The following AIG1 variants were observed in gnomAD, a reference collection of about 807,000 sequenced individuals.
The protein encoded by AIG1 is androgen induced 1.
In AIG1, 23 loss-of-function variants were observed where a neutral mutation model predicts 31.4. That is an observed-to-expected ratio of 0.73 (90% CI 0.53 to 1.04). The LOEUF (loss-of-function observed/expected upper bound fraction) is 1.04, where lower values mean the gene tolerates loss of function less well. AIG1 is among the 50% of genes least tolerant of loss of function. The probability of loss-of-function intolerance (pLI) is 0.00; values close to 1 mark genes in which losing one functional copy is unlikely to be tolerated. For missense variants in AIG1, 274 were observed against 295.0 expected (o/e 0.93, Z 0.52); for synonymous variants, 100 against 110.5 (o/e 0.90, Z 0.60).
At chr6:143,146,403 C>A (rs773406191) in intron 2 of AIG1, among the ~76,000 whole-genome samples, 1 of 152,054 alleles carries the variant, frequency 6.6e-6, no homozygotes, top group Non-Finnish European at 1.5e-5. Context: ...GGACCAGGGA[C>A]AAGATGCAAT....
intron 4 of AIG1, among the ~76,000 whole-genome samples, chr6:143,316,871 A>G (rs564356377): frequency 7.2e-5 from 11 of 152,110 alleles, no homozygotes; most frequent in Non-Finnish European, 1.3e-4. Context: ...CAAGGCCACT[A>G]TGAATACCGT....
chr6:143,123,886 T>C (rs1782441608), intron 1 of AIG1, among the ~76,000 whole-genome samples: 1 of 152,232 alleles, frequency 6.6e-6, no homozygotes, highest in South Asian at 2.1e-4. Context: ...TTCTACCATA[T>C]TTAAAACAAT....
intron 2 of AIG1, among the ~76,000 whole-genome samples, chr6:143,147,694 G>T (rs1303681210): frequency 1.3e-5 from 2 of 152,164 alleles, no homozygotes; most frequent in Non-Finnish European, 2.9e-5. Flanking sequence ...CATTAGCTCA[G>T]AGTTCTGAAG....
intron 3 of AIG1, among the ~76,000 whole-genome samples, chr6:143,244,725 C>G (rs1427190442): frequency 6.6e-6 from 1 of 152,168 alleles, no homozygotes; most frequent in Non-Finnish European, 1.5e-5. Context: ...TGTGCAGGCT[C>G]TTTAGAGAAA....
chr6:143,158,030 A>C (rs1253295153), intron 2 of AIG1, among the ~76,000 whole-genome samples: 1 of 151,916 alleles, frequency 6.6e-6, no homozygotes, highest in Admixed American at 6.6e-5. Context: ...ATTTCCATCT[A>C]TTTTCCACTA....
chr6:143,191,836 A>G (rs967695171), intron 3 of AIG1, among the ~76,000 whole-genome samples: 2 of 152,256 alleles, frequency 1.3e-5, no homozygotes, highest in Non-Finnish European at 2.9e-5. Context: ...TGTTTCAGAC[A>G]ACCCTGAGGT....
At chr6:143,277,219 G>C (rs896354707) in intron 3 of AIG1, among the ~76,000 whole-genome samples, 5 of 151,888 alleles carry the variant, frequency 3.3e-5, no homozygotes, top group African/African-American at 1.2e-4. Context: ...TTTGTTCTAT[G>C]GGGGGGTGAG....
intron 1 of AIG1, among the ~76,000 whole-genome samples, chr6:143,115,645 C>T (rs1299054293): frequency 2.6e-5 from 4 of 152,168 alleles, no homozygotes; most frequent in South Asian, 2.1e-4. Context: ...TGATATCATA[C>T]GTATACTATA....
At chr6:143,305,048 T>G (rs1358908465) in intron 4 of AIG1, among the ~76,000 whole-genome samples, 1 of 152,218 alleles carries the variant, frequency 6.6e-6, no homozygotes, top group South Asian at 2.1e-4. Flanking sequence ...TGGTAGTTTG[T>G]GTTTCTGTGG....
At chr6:143,277,832 G>A (rs995635764) in intron 3 of AIG1, among the ~76,000 whole-genome samples, 1 of 152,194 alleles carries the variant, frequency 6.6e-6, no homozygotes, top group Non-Finnish European at 1.5e-5. Context: ...AGAAAGACCA[G>A]AGAAATAGCA....
At chr6:143,270,095 C>T (rs1206023538) in intron 3 of AIG1, among the ~76,000 whole-genome samples, 1 of 152,086 alleles carries the variant, frequency 6.6e-6, no homozygotes, top group Non-Finnish European at 1.5e-5. Flanking sequence ...CAAACAGGAC[C>T]CCTACTGTCC....
intron 3 of AIG1, among the ~76,000 whole-genome samples, chr6:143,175,572 G>T (rs1788064644): frequency 6.6e-6 from 1 of 152,048 alleles, no homozygotes; most frequent in Non-Finnish European, 1.5e-5. Flanking sequence ...CTCTGAAGTT[G>T]TTTCTTCTAC....
intron 3 of AIG1, among the ~76,000 whole-genome samples, chr6:143,181,948 C>T (rs1488842592): frequency 6.6e-6 from 1 of 152,180 alleles, no homozygotes; most frequent in African/African-American, 2.4e-5. Flanking sequence ...AAATCATACA[C>T]TTCTCCATGG....
At chr6:143,167,659 G>A (rs1438195114) in intron 3 of AIG1, among the ~76,000 whole-genome samples, 1 of 152,090 alleles carries the variant, frequency 6.6e-6, no homozygotes, top group Non-Finnish European at 1.5e-5. Context: ...ATTTTACCTT[G>A]ATTCACTTTG....
chr6:143,221,440 T>C (rs1792506189), intron 3 of AIG1, among the ~76,000 whole-genome samples: 1 of 152,086 alleles, frequency 6.6e-6, no homozygotes, highest in East Asian at 1.9e-4. Flanking sequence ...GTCTCTGTGG[T>C]CTTTGCTGGT....
At chr6:143,143,528 A>AAAATATATATATATATATAT (rs1554249782) in intron 2 of AIG1, among the ~76,000 whole-genome samples, 3 of 27,790 alleles carry the variant, frequency 1.1e-4, no homozygotes, top group Non-Finnish European at 1.6e-4. Context: ...AAAAAAAAAA[A>AAAATATATATATATATATAT]ATATATATAT....
At chr6:143,205,120 T>C (rs2128610048) in intron 3 of AIG1, among the ~76,000 whole-genome samples, 1 of 152,272 alleles carries the variant, frequency 6.6e-6, no homozygotes, top group East Asian at 1.9e-4. Context: ...TCTGGTGTAG[T>C]CCAGGGCAGT....
chr6:143,236,093 TA>T (rs1165083767), intron 3 of AIG1, among the ~76,000 whole-genome samples: 2 of 152,254 alleles, frequency 1.3e-5, no homozygotes, highest in African/African-American at 4.8e-5. Context: ...TTCTTGTATT[TA>T]ATAAGCCCCA....
At chr6:143,164,441 A>G (rs1314715645) in intron 2 of AIG1, among the ~76,000 whole-genome samples, 1 of 152,184 alleles carries the variant, frequency 6.6e-6, no homozygotes, top group Non-Finnish European at 1.5e-5. Context: ...AAACCTTTGG[A>G]ACCTAGATGA....
Sources: gnomAD v4.1 joint callset for allele counts (sites outside exome capture counted in the v4.1 genomes callset) on GRCh38, gnomAD v4.1.1 for gene constraint, MANE v1.5 for transcripts, NCBI Gene and HGNC (gene_info 2026-07-23, HGNC 2026-07-21) for gene names.